Variants in NTN1 observed in about 807,000 individuals in gnomAD.
NTN1 encodes the protein netrin-1.
In NTN1, 11 loss-of-function variants were observed where a neutral mutation model predicts 54.2. The ratio of observed to expected loss-of-function variants is 0.20; its 90% confidence interval spans 0.13 to 0.34. NTN1 has a LOEUF of 0.34. Ranked by LOEUF, NTN1 falls within the 10% of genes least tolerant of loss-of-function variation. The pLI is 1.00. For missense variants in NTN1, 740 were observed against 893.1 expected (o/e 0.83, Z 2.18); for synonymous variants, 371 against 382.0 (o/e 0.97, Z 0.33).
rs1253150961 is a variant in NTN1 at position 9,241,020 on chromosome 17, G to A, written c.*1052G>A. The A allele has an allele frequency of 6.6e-6, 1 of 152,272 alleles. No individual in the cohort carries two copies. 9.4% of individuals were successfully genotyped at this position (152,272 alleles called of 1,614,324 possible). Reference sequence around the variant, plus strand: ...AGCTCCCGCAAGGCCCCTCAGCAATGTCAACAGCTGGAAAGGGCCTGAACG... The same window carrying A: ...AGCTCCCGCAAGGCCCCTCAGCAATATCAACAGCTGGAAAGGGCCTGAACG... On this transcript the variant is annotated 3_prime_UTR_variant, in exon 7 of 7. Coordinates refer to ENST00000173229, the MANE Select transcript of NTN1 (RefSeq NM_004822.3).
intron 2 of NTN1, among the ~76,000 whole-genome samples, chr17:9,040,562 T>C (rs976562175): frequency 3.3e-5 from 5 of 152,216 alleles, no homozygotes; most frequent in African/African-American, 9.6e-5. Flanking sequence ...AGCCCTTCTT[T>C]TCCAATACTT....
Position 9,022,250 on chromosome 17 carries a change from C to T in NTN1, c.-63-61C>T, listed in dbSNP as rs987434479. On this transcript the variant is annotated intron_variant, in intron 1 of 6. Transcript: ENST00000173229. ...GTTCTCCCGCATCTCCGCTCGCCAC[C>T]CCGCCGAGAGCTGGAGGGCGCGGGG... is the stretch of plus-strand genomic sequence containing the variant. The T allele has an allele frequency of 5.4e-6, 6 of 1,113,870 alleles. No individual in the cohort carries two copies. The African/African-American group carries it at 8.1e-5, about 15-fold the overall frequency. The allele number at this position is 1,113,870 out of a possible 1,614,324, so 69.0% of individuals were successfully genotyped here.
At chr17:9,238,027 G>A (rs1305625371) in intron 6 of NTN1, among the ~76,000 whole-genome samples, 1 of 152,176 alleles carries the variant, frequency 6.6e-6, no homozygotes, top group Non-Finnish European at 1.5e-5. Flanking sequence ...GGATGACTCG[G>A]TTGGCATTCA....
upstream of NTN1, among the ~76,000 whole-genome samples, chr17:9,016,981 G>A (rs575423949): frequency 1.3e-5 from 2 of 152,028 alleles, no homozygotes; most frequent in African/African-American, 2.4e-5. Context: ...AGCCTCCAGT[G>A]CTCCCAGCTC....
chr17:9,193,101 A>G (rs933605740), intron 5 of NTN1, among the ~76,000 whole-genome samples: 8 of 102,550 alleles, frequency 7.8e-5, no homozygotes, highest in Admixed American at 7.3e-4. Flanking sequence ...AAAAAGAAAA[A>G]GAAAAAAAAG....
At chr17:9,192,010 C>T (rs1904476417) in intron 5 of NTN1, among the ~76,000 whole-genome samples, 1 of 150,862 alleles carries the variant, frequency 6.6e-6, no homozygotes, top group Non-Finnish European at 1.5e-5. Flanking sequence ...TAGAGTGACA[C>T]TGTTTGGAAA....
intron 6 of NTN1, among the ~76,000 whole-genome samples, chr17:9,232,241 G>C (rs1308656180): frequency 1.3e-5 from 2 of 152,208 alleles, no homozygotes; most frequent in African/African-American, 4.8e-5. Flanking sequence ...TGCTGTGCTG[G>C]AGGCAGCAGC....
chr17:9,166,817 G>C (rs1363533955), intron 3 of NTN1, among the ~76,000 whole-genome samples: 2 of 152,210 alleles, frequency 1.3e-5, no homozygotes, highest in East Asian at 3.8e-4. Context: ...CTTTACCCCA[G>C]ACTTTACAGG....
chr17:9,166,854 A>G (rs1255574864), intron 3 of NTN1, among the ~76,000 whole-genome samples: 2 of 152,182 alleles, frequency 1.3e-5, no homozygotes, highest in Non-Finnish European at 2.9e-5. Flanking sequence ...GAGGCCACCC[A>G]TATGCTGCTG....
chr17:9,164,396 G>C (rs900687395), intron 3 of NTN1, among the ~76,000 whole-genome samples: 1 of 151,028 alleles, frequency 6.6e-6, no homozygotes. Context: ...CCGCACTCCA[G>C]CCTGGGTGAC....
At chr17:9,101,163 G>A (rs561048000) in intron 2 of NTN1, among the ~76,000 whole-genome samples, 2 of 152,214 alleles carry the variant, frequency 1.3e-5, no homozygotes, top group African/African-American at 4.8e-5. Context: ...ACTTTCTGAG[G>A]GCTAGACCCA....
chr17:9,114,019 G>A (rs571073842), intron 2 of NTN1, among the ~76,000 whole-genome samples: 9 of 150,780 alleles, frequency 6.0e-5, no homozygotes, highest in South Asian at 4.2e-4. Flanking sequence ...AAAATTAGCC[G>A]GGCATGGTGG....
At chr17:9,034,822 C>T (rs1046778662) in intron 2 of NTN1, among the ~76,000 whole-genome samples, 13 of 152,226 alleles carry the variant, frequency 8.5e-5, no homozygotes, top group Non-Finnish European at 1.0e-4. Flanking sequence ...GATATGCACA[C>T]GCTTGTATAA....
Position 9,058,658 on chromosome 17 carries a change from A to G in NTN1, c.1018+35267A>G, listed in dbSNP as rs917629870. On this transcript the variant is annotated intron_variant, in intron 2 of 6. Transcript: ENST00000173229. ...CACTCAAAAAAAAAAAAAAAAAAAA[A>G]AAAAAAGAAAAGAAAAAAGAAAAAA... is the stretch of plus-strand genomic sequence containing the variant. Among the ~76,000 whole-genome samples, 15 of 151,178 alleles carry G rather than the reference A, an allele frequency of 9.9e-5. No individual in the cohort carries two copies. In the East Asian group the frequency reaches 2.7e-3, roughly 27 times the overall value.
At chr17:9,213,185 A>AG (rs1905149227) in intron 5 of NTN1, among the ~76,000 whole-genome samples, 2 of 152,184 alleles carry the variant, frequency 1.3e-5, no homozygotes. Flanking sequence ...GCCTGCTGCG[A>AG]GCCAGGCAGA....
the NTN1 span, among the ~76,000 whole-genome samples, chr17:9,008,405 G>A: frequency 6.6e-6 from 1 of 152,070 alleles, no homozygotes; most frequent in Admixed American, 6.6e-5. Flanking sequence ...TGCAACCTCG[G>A]CCTCCTGGGT....
At position 9,153,597 on chromosome 17, in the gene NTN1, C is replaced by A. The variant is rs2092333819; in HGVS notation, c.1019-9216C>A. On this transcript the variant is annotated intron_variant, in intron 2 of 6. Transcript: ENST00000173229. ...TAGCTGCTTGAATTAAAAACCACAG[C>A]TCAAGAGAAGGAAGAGGGGGCCACG... 1.3e-5 allele frequency among the ~76,000 whole-genome samples: 2 copies of A among 152,334 alleles called. 1 individual carries two copies. The highest frequency in any genetic ancestry group is 3.9e-4 in the East Asian group (2 of 5,180).
intron 2 of NTN1, among the ~76,000 whole-genome samples, chr17:9,137,316 G>A (rs2142276356): frequency 6.6e-6 from 1 of 152,270 alleles, no homozygotes; most frequent in South Asian, 2.1e-4. Context: ...CAGTAATGAT[G>A]CGAAGCTGGT....
At chr17:9,151,084 A>G (rs2092326579) in intron 2 of NTN1, among the ~76,000 whole-genome samples, 1 of 152,094 alleles carries the variant, frequency 6.6e-6, no homozygotes. Context: ...AGAAGGAGAC[A>G]GGACTCACCA....
Sources: gnomAD v4.1 joint callset for allele counts (sites outside exome capture counted in the v4.1 genomes callset) on GRCh38, gnomAD v4.1.1 for gene constraint, MANE v1.5 for transcripts, NCBI Gene and HGNC (gene_info 2026-07-23, HGNC 2026-07-21) for gene names.